Variants in TENT4A observed in about 807,000 individuals in gnomAD.
The protein encoded by TENT4A is terminal nucleotidyltransferase 4A, also known as DNA polymerase kappa.
Under a neutral mutation model 72.8 loss-of-function variants are expected in TENT4A, and 7 were observed. The ratio of observed to expected loss-of-function variants is 0.10; its 90% CI spans 0.05 to 0.18. The LOEUF (loss-of-function observed/expected upper bound fraction) is 0.18. Ranked by LOEUF, TENT4A falls within the 10% of genes least tolerant of loss-of-function variation. TENT4A has a pLI of 1.00. For missense variants in TENT4A, 831 were observed against 1,017.7 expected (o/e 0.82, Z 2.50); for synonymous variants, 456 against 434.3 (o/e 1.05, Z -0.62).
chr5:6,750,379 A>G lies in TENT4A; in HGVS notation c.1736A>G (p.Gln579Arg), dbSNP rs752246759. ...KERIATCNGE[Q>R]TQNREPESPY... The stretch of plus-strand genomic sequence containing the variant: ...CGAATAGCCACATGCAATGGGGAGC[A>G]GACGCAGAACCGAGAGCCCGAGTCT... The change falls in exon 10 of 13, where the codon CAG becomes CGG. Residue 579 changes from glutamine (Q) to arginine (R), a missense_variant. By Grantham distance (43) the Gln-to-Arg change is conservative. This residue lies in a region of TENT4A where 332 missense variants were observed against 324.3 expected (regional missense o/e 1.02). Coordinates refer to ENST00000230859, the MANE Select transcript of TENT4A (RefSeq NM_006999.6). 4.3e-6 allele frequency: 7 copies of G among 1,612,910 alleles called. No individual in the cohort carries two copies. In the South Asian group the frequency reaches 7.7e-5, roughly 18 times the overall value.
At chr5:6,742,699 C>T (rs1741870756) in intron 5 of TENT4A, 102 bp downstream of exon 5, 1 of 715,984 alleles carries the variant, frequency 1.4e-6, no homozygotes, top group African/African-American at 1.7e-5. Context: ...ACACACAAGT[C>T]TTTCGTAACA....
intron 3 of TENT4A, 94 bp downstream of exon 3, chr5:6,738,823 C>CT: frequency 1.1e-6 from 1 of 932,838 alleles, no homozygotes; most frequent in Non-Finnish European, 1.7e-6. Context: ...GTAATTGAGT[C>CT]TAAGGCGAGA....
At chr5:6,731,482 T>A (rs753303747) in intron 1 of TENT4A, among the ~76,000 whole-genome samples, 1 of 151,986 alleles carries the variant, frequency 6.6e-6, no homozygotes, top group Non-Finnish European at 1.5e-5. Context: ...TTGGGAAGAC[T>A]GGAAGCACCT....
intron 6 of TENT4A, 144 bp from the exon 7 acceptor site, chr5:6,746,070 C>T (rs1211852792): frequency 3.3e-6 from 5 of 1,506,522 alleles, no homozygotes; most frequent in Non-Finnish European, 4.4e-6. Flanking sequence ...GCTGTTCAGG[C>T]TTCCTCGTGG....
Position 6,729,037 on chromosome 5 carries a change from G to A in TENT4A, c.717-8473G>A, listed in dbSNP as rs1741076121. ...CTCTTTTAAACAACTTTAAAATATT[G>A]TATAGATAGATGTACACAATTTTCT... On this transcript the variant is annotated intron_variant, in intron 1 of 12. Transcript: ENST00000230859. 3.9e-5 allele frequency among the ~76,000 whole-genome samples: 6 copies of A among 152,250 alleles called. No homozygotes were observed. The South Asian group carries it at 1.0e-3, about 26-fold the overall frequency.
chr5:6,722,547 GTTTTTT>G (rs55840324), intron 1 of TENT4A, among the ~76,000 whole-genome samples: 2 of 123,266 alleles, frequency 1.6e-5, no homozygotes, highest in Non-Finnish European at 3.3e-5. Flanking sequence ...GCATTTGTTA[GTTTTTT>G]TTTTTTTTTT....
intron 1 of TENT4A, among the ~76,000 whole-genome samples, chr5:6,722,184 C>A (rs1047855933): frequency 6.6e-6 from 1 of 152,240 alleles, no homozygotes; most frequent in African/African-American, 2.4e-5. Context: ...AGTTTCCCCC[C>A]CTGTGAAGCA....
Position 6,755,541 on chromosome 5 carries a change from C to T in TENT4A, c.*596C>T, listed in dbSNP as rs970597819. On this transcript the variant is annotated 3_prime_UTR_variant, in exon 13 of 13. Coordinates refer to ENST00000230859, the MANE Select transcript of TENT4A (RefSeq NM_006999.6). ...TTTTAAACAAGCTTAGGTCCTTTCC[C>T]GAGCTGCATTTTCTAAGTTGGGTCA... The T allele has an allele frequency of 2.0e-5, 3 of 152,574 alleles. No homozygotes were observed. Among genetic ancestry groups the T allele is most frequent in the African/African-American group, 7.2e-5 (3 of 41,440 alleles). 9.5% of individuals were successfully genotyped at this position (152,574 alleles called of 1,614,324 possible). A position where few individuals can be genotyped will look rare whatever the true frequency, so the allele number is the denominator to read the frequency against.
At chr5:6,719,004 A>G (rs772923813) in intron 1 of TENT4A, among the ~76,000 whole-genome samples, 16 of 151,252 alleles carry the variant, frequency 1.1e-4, no homozygotes, top group Middle Eastern at 3.6e-3. Context: ...CGTGCTGTGG[A>G]AGTCAGAATG....
In TENT4A at chr5:6,749,612, A is replaced by G; in HGVS notation, c.1642A>G (p.Ile548Val). The G allele has an allele frequency of 1.2e-6, 2 of 1,614,066 alleles. No homozygotes were observed. The highest frequency in any genetic ancestry group is 1.7e-6 in the Non-Finnish European group (2 of 1,179,932). The change falls in exon 9 of 13, where the codon ATC becomes GTC. Residue 548 changes from isoleucine (I) to valine (V), a missense_variant. This residue lies in a region of TENT4A where 197 missense variants were observed against 399.6 expected (regional missense o/e 0.49). Transcript: ENST00000230859. ...TQEVIDYRRW[I>V]KEKWGSKAHP... ...GGAGGTGATTGACTACCGGAGGTGG[A>G]TCAAAGAGAAGTGGGGCAGCAAAGC...
chr5:6,713,488 C>A lies in TENT4A; in HGVS notation c.-496C>A. ...TTTTCACCGCCGCCGCCGCCGCCGC[C>A]GCAGGAGCGCCGAGCCAGCGGCGCG... is the stretch of plus-strand genomic sequence containing the variant. On this transcript the variant is annotated 5_prime_UTR_variant, in exon 1 of 13. Transcript: ENST00000230859. 1 of 150,970 alleles carries A rather than the reference C, an allele frequency of 6.6e-6. No individual in the cohort carries two copies. Among genetic ancestry groups the A allele is most frequent in the South Asian group, 1.9e-4 (1 of 5,236 alleles). 9.4% of individuals were successfully genotyped at this position (150,970 alleles called of 1,614,324 possible).
Position 6,756,883 on chromosome 5 carries a change from A to T in TENT4A, c.*1938A>T, listed in dbSNP as rs1302639485. ...TTCCATTTCCGTCATGGTGAAGCAA[A>T]TGAATTGGCCTGGCTACCACTGTGG... is the stretch of plus-strand genomic sequence containing the variant. On this transcript the variant is annotated 3_prime_UTR_variant, in exon 13 of 13. Transcript: ENST00000230859. The T allele has an allele frequency of 6.6e-6, 1 of 152,616 alleles. No homozygotes were observed. The highest frequency in any genetic ancestry group is 1.5e-5 in the Non-Finnish European group (1 of 68,042). 9.5% of individuals were successfully genotyped at this position (152,616 alleles called of 1,614,324 possible). A position where few individuals can be genotyped will look rare whatever the true frequency, so the allele number is the denominator to read the frequency against.
chr5:6,730,865 T>C (rs140490801), intron 1 of TENT4A, among the ~76,000 whole-genome samples: 3 of 152,246 alleles, frequency 2.0e-5, no homozygotes, highest in African/African-American at 7.2e-5. Flanking sequence ...GATTTATAAT[T>C]AGCTTATTAA....
chr5:6,753,229 A>G (rs1189389726), intron 12 of TENT4A, among the ~76,000 whole-genome samples, 192 bp downstream of exon 12: 3 of 152,252 alleles, frequency 2.0e-5, no homozygotes, highest in Non-Finnish European at 4.4e-5. Context: ...AAGATGTAAT[A>G]TATAGTTTAA....
chr5:6,744,807 T>C (rs185340278), intron 6 of TENT4A, among the ~76,000 whole-genome samples: 33 of 152,358 alleles, frequency 2.2e-4, no homozygotes, highest in Non-Finnish European at 4.0e-4. Context: ...TTTTGGACAT[T>C]ATTTTGAATT....
In TENT4A at chr5:6,714,407, GGCGGCGGCC is replaced by G. The variant is rs1390835203; in HGVS notation, c.433_441del (p.Arg145_Gly147del). 1 of 1,142,760 alleles carries G rather than the reference GGCGGCGGCC, an allele frequency of 8.8e-7. No homozygotes were observed. Among genetic ancestry groups the G allele is most frequent in the Admixed American group, 4.8e-5 (1 of 20,690 alleles). 70.8% of individuals were successfully genotyped at this position (1,142,760 alleles called of 1,614,324 possible). A position where few individuals can be genotyped will look rare whatever the true frequency, so the allele number is the denominator to read the frequency against. The stretch of plus-strand genomic sequence containing the variant: ...CAGCAGCGCCTCGCTGGGCCGGCCG[GGCGGCGGCC>G]GCGGCGGCGCCTTCTTCAACTTCGC... On this transcript the variant is annotated inframe_deletion, in exon 1 of 13. Coordinates refer to ENST00000230859, the MANE Select transcript of TENT4A (RefSeq NM_006999.6).
chr5:6,750,684 T>G, intron 10 of TENT4A, 181 bp downstream of exon 10: 2 of 589,038 alleles, frequency 3.4e-6, no homozygotes, highest in Middle Eastern at 4.5e-4. Context: ...TCCCCTGCCG[T>G]GAACCTTCAG....
Position 6,754,854 on chromosome 5 carries a change from A to C in TENT4A, c.2288A>C (p.Asn763Thr). The C allele has an allele frequency of 6.2e-7, 1 of 1,610,620 alleles. No homozygotes were observed. The highest frequency in any genetic ancestry group is 8.5e-7 in the Non-Finnish European group (1 of 1,177,622). Residue 763 changes from asparagine (N) to threonine (T), a missense_variant, in exon 13 of 13, where the codon AAC becomes ACC. Asn to Thr is a moderately conservative substitution (Grantham distance 65). Coordinates refer to ENST00000230859, the MANE Select transcript of TENT4A (RefSeq NM_006999.6). ...GSGGVRPPVG[N>T]RGHHQYNRTG... The stretch of plus-strand genomic sequence containing the variant: ...GGAGGTGTGCGGCCCCCTGTGGGCA[A>C]CAGGGGACACCACCAGTATAACCGC...
chr5:6,718,900 C>G (rs1344431683), intron 1 of TENT4A, among the ~76,000 whole-genome samples: 1 of 151,224 alleles, frequency 6.6e-6, no homozygotes, highest in Non-Finnish European at 1.5e-5. Context: ...GAGGGCATGA[C>G]AGACTCTGGA....
Sources: gnomAD v4.1 joint callset for allele counts (sites outside exome capture counted in the v4.1 genomes callset) on GRCh38, gnomAD v4.1.1 for gene constraint, gnomAD v4.1.1 regional missense constraint, MANE v1.5 for transcripts, NCBI Gene and HGNC (gene_info 2026-07-23, HGNC 2026-07-21) for gene names.